UNC13C: variants seen among roughly 807,000 people sequenced by gnomAD.
The protein encoded by UNC13C is protein unc-13 homolog C.
A neutral mutation model predicts 245.4 loss-of-function variants in UNC13C; 174 were observed. That is an observed-to-expected ratio of 0.71 (90% CI 0.63 to 0.80). The LOEUF is 0.80. Among genes scored for constraint, UNC13C ranks in the 30% least tolerant of loss-of-function variants. The pLI is 0.00. For missense variants in UNC13C, 2,829 were observed against 2,602.9 expected, an observed-to-expected ratio of 1.09 and a Z score of -1.89; for synonymous variants, 992 against 895.1, an observed-to-expected ratio of 1.11 and a Z score of -1.93.
intron 2 of UNC13C, among the ~76,000 whole-genome samples, chr15:54,096,275 G>C (rs1035903532): frequency 2.6e-5 from 4 of 152,022 alleles, no homozygotes; most frequent in African/African-American, 9.7e-5. Flanking sequence ...GGGCTGGTTT[G>C]TGCTAGGTCA....
At chr15:54,483,220 C>G (rs1360008609) in intron 19 of UNC13C, among the ~76,000 whole-genome samples, 2 of 152,178 alleles carry the variant, frequency 1.3e-5, no homozygotes, top group Admixed American at 6.5e-5. Context: ...ATCTTCTGCT[C>G]TTCAGCTGGT....
chr15:54,514,106 TA>T (rs1293645478), intron 24 of UNC13C, among the ~76,000 whole-genome samples: 1 of 152,186 alleles, frequency 6.6e-6, no homozygotes, highest in African/African-American at 2.4e-5. Flanking sequence ...AATTTCAAAA[TA>T]ATAAGCAGAG....
rs527834480 is a variant in UNC13C, at chr15:54,310,769, T to G, written c.4268+10396T>G. 1.7e-4 allele frequency among the ~76,000 whole-genome samples: 18 copies of G among 108,262 alleles called. 1 individual carries two copies. In the South Asian group the frequency reaches 4.9e-3, roughly 29 times the overall value. The allele number at this position is 108,262 out of a possible 152,430, so 71.0% of individuals were successfully genotyped here. On this transcript the variant is annotated intron_variant, in intron 13 of 32. Transcript: ENST00000260323. ...ATCTATATCTATATCTATATCTATA[T>G]CTATATCTATATATATGTACATACA...
chr15:54,240,291 T>C (rs2035817015), intron 7 of UNC13C, among the ~76,000 whole-genome samples: 2 of 152,210 alleles, frequency 1.3e-5, no homozygotes, highest in Admixed American at 1.3e-4. Context: ...ACAACAGGCA[T>C]ATTAAATGTC....
chr15:54,052,925 C>G (rs189592554), intron 2 of UNC13C, among the ~76,000 whole-genome samples: 5 of 152,242 alleles, frequency 3.3e-5, no homozygotes, highest in Admixed American at 3.3e-4. Context: ...GTTGTAATGG[C>G]AAAAATCCAC....
At chr15:54,203,842 A>ATATACACATACG in intron 4 of UNC13C, among the ~76,000 whole-genome samples, 1 of 100,284 alleles carries the variant, frequency 1.0e-5, no homozygotes, top group Middle Eastern at 4.3e-3. Flanking sequence ...ATACACATAC[A>ATATACACATACG]TATACACGTA....
chr15:54,243,226 C>T (rs953864507), intron 7 of UNC13C, among the ~76,000 whole-genome samples: 1 of 143,296 alleles, frequency 7.0e-6, no homozygotes, highest in Non-Finnish European at 1.5e-5. Flanking sequence ...TAAGTGAGAA[C>T]ATATGGGGCT....
chr15:54,457,556 T>TTTTA (rs1891599460), intron 19 of UNC13C, among the ~76,000 whole-genome samples: 1 of 152,110 alleles, frequency 6.6e-6, no homozygotes. Context: ...TCTTGCTACT[T>TTTTA]GTTCTTGCTC....
At chr15:54,256,466 CA>C (rs2036281627) in intron 8 of UNC13C, among the ~76,000 whole-genome samples, 1 of 151,322 alleles carries the variant, frequency 6.6e-6, no homozygotes, top group African/African-American at 2.4e-5. Flanking sequence ...CAGTATGGTC[CA>C]AAAATATTAA....
chr15:54,138,662 A>G (rs1240641204), intron 2 of UNC13C, among the ~76,000 whole-genome samples: 1 of 152,146 alleles, frequency 6.6e-6, no homozygotes, highest in Non-Finnish European at 1.5e-5. Flanking sequence ...GTAAATAATG[A>G]AACAGTGCCA....
the UNC13C span, among the ~76,000 whole-genome samples, chr15:53,879,440 G>C: frequency 6.6e-6 from 1 of 152,120 alleles, no homozygotes; most frequent in Non-Finnish European, 1.5e-5. Flanking sequence ...TAGGATTATA[G>C]GGGTGAGCTA....
At chr15:54,149,098 C>A (rs1279962939) in intron 4 of UNC13C, among the ~76,000 whole-genome samples, 1 of 152,074 alleles carries the variant, frequency 6.6e-6, no homozygotes, top group Non-Finnish European at 1.5e-5. Flanking sequence ...TTGGCAATTC[C>A]CCCTGTCCCT....
chr15:54,152,020 A>G (rs2032541506), intron 4 of UNC13C, among the ~76,000 whole-genome samples: 1 of 152,226 alleles, frequency 6.6e-6, no homozygotes. Context: ...GCACTTCCAA[A>G]GGACTAGCAT....
At chr15:54,382,357 G>C (rs985270220) in intron 17 of UNC13C, among the ~76,000 whole-genome samples, 1 of 152,146 alleles carries the variant, frequency 6.6e-6, no homozygotes, top group Non-Finnish European at 1.5e-5. Flanking sequence ...GGGAGGCAGA[G>C]GCAGGCAGAT....
At chr15:54,391,870 C>G (rs957378718) in intron 17 of UNC13C, among the ~76,000 whole-genome samples, 1 of 152,034 alleles carries the variant, frequency 6.6e-6, no homozygotes. Context: ...GACAACTCAA[C>G]AAAATATGGT....
At chr15:53,933,045 A>G in the UNC13C span, among the ~76,000 whole-genome samples, 12 of 152,162 alleles carry the variant, frequency 7.9e-5, no homozygotes, top group African/African-American at 2.9e-4. Context: ...TTGATTTCAT[A>G]AGTGACTAAA....
chr15:54,107,090 A>G (rs1488246197), intron 2 of UNC13C, among the ~76,000 whole-genome samples: 1 of 152,212 alleles, frequency 6.6e-6, no homozygotes, highest in East Asian at 1.9e-4. Context: ...GTGTAGAACC[A>G]TATCAGAAAG....
At chr15:54,024,188 G>T (rs1193500475) in intron 2 of UNC13C, among the ~76,000 whole-genome samples, 4 of 152,204 alleles carry the variant, frequency 2.6e-5, no homozygotes, top group Non-Finnish European at 5.9e-5. Context: ...CTGCCACCTG[G>T]AGAGTACACG....
In UNC13C at chr15:54,012,945, TC is replaced by T. The variant is rs1362475725; in HGVS notation, c.43del (p.His15IlefsTer49). 6.2e-7 allele frequency: 1 copy of T among 1,612,660 alleles called. No individual in the cohort carries two copies. The highest frequency in any genetic ancestry group is 1.3e-5 in the African/African-American group (1 of 74,752). Reference protein sequence around the residue: ...FFKSLILPYIHKLCKGMFTKK... With the variant: ...FFKSLILPYIXKLCKGMFTKK... Reference sequence around the variant, plus strand: ...TCAAGAGCTTGATTTTACCTTACATTCATAAGCTTTGCAAAGGAATGTTTAC... The same window carrying T: ...TCAAGAGCTTGATTTTACCTTACATTATAAGCTTTGCAAAGGAATGTTTAC... On this transcript the variant is annotated frameshift_variant, in exon 2 of 33. Coordinates refer to ENST00000260323, the MANE Select transcript of UNC13C (RefSeq NM_001080534.3). LOFTEE classifies it high-confidence loss of function.
Sources: allele counts gnomAD v4.1 joint callset (sites outside exome capture counted in the v4.1 genomes callset), GRCh38; gene constraint gnomAD v4.1.1; transcripts MANE v1.5; gene names NCBI Gene and HGNC (gene_info 2026-07-23, HGNC 2026-07-21).